Variants in DPP6 observed in about 807,000 individuals in gnomAD.
DPP6 encodes the protein dipeptidyl peptidase like 6.
DPP6 carries 69 observed loss-of-function variants against 122.6 expected under a neutral mutation model. That is an observed-to-expected ratio of 0.56 (90% CI 0.46 to 0.69). The LOEUF (loss-of-function observed/expected upper bound fraction) is 0.69, where lower values mean the gene tolerates loss of function less well. Among genes scored for constraint, DPP6 ranks in the 30% least tolerant of loss-of-function variants. DPP6 has a pLI of 0.00. For missense variants in DPP6, 928 were observed against 1,116.9 expected (o/e 0.83, Z 2.41); for synonymous variants, 418 against 433.1 (o/e 0.97, Z 0.43).
intron 1 of DPP6, among the ~76,000 whole-genome samples, chr7:154,091,356 G>A (rs866699939): frequency 2.6e-5 from 4 of 152,070 alleles, no homozygotes; most frequent in South Asian, 2.1e-4. Context: ...TATTTTGAGC[G>A]GTCTATGGCT....
chr7:154,687,952 G>A (rs1839718126), intron 7 of DPP6, among the ~76,000 whole-genome samples: 1 of 152,166 alleles, frequency 6.6e-6, no homozygotes, highest in Non-Finnish European at 1.5e-5. Flanking sequence ...GATCTTTGGA[G>A]CCTCTGCTAT....
In DPP6 at chr7:153,947,363, C is replaced by T. The variant is rs73496216; in HGVS notation, c.51+59629C>T. Among the ~76,000 whole-genome samples, 681 of 152,282 alleles carry T rather than the reference C, an allele frequency of 4.5e-3. 3 individuals carry two copies. Among genetic ancestry groups the T allele is most frequent in the African/African-American group, 0.015 (640 of 41,562 alleles). On this transcript the variant is annotated intron_variant, in intron 1 of 25. Transcript: ENST00000404039. ...CTGCGAGGGAGGGTCTGTCTCAGGC[C>T]TGTCTTCTCGGCTTGTAGCTGGCTG...
intron 16 of DPP6, among the ~76,000 whole-genome samples, chr7:154,837,815 C>T (rs1801205759): frequency 6.6e-6 from 1 of 152,188 alleles, no homozygotes. Flanking sequence ...AGTATCATTG[C>T]TCATTTCTTT....
At chr7:154,305,348 T>TCCCCCATCCTCCCC in intron 1 of DPP6, 1 of 136,600 alleles carries the variant, frequency 7.3e-6, no homozygotes, top group Non-Finnish European at 9.5e-6. Context: ...CCACCCTCCC[T>TCCCCCATCCTCCCC]CCCCCATCCT....
chr7:154,538,719 T>C (rs575650980), intron 3 of DPP6, among the ~76,000 whole-genome samples: 1 of 152,302 alleles, frequency 6.6e-6, no homozygotes, highest in African/African-American at 2.4e-5. Flanking sequence ...AAAAAAAAAT[T>C]CTAAAATTTG....
chr7:154,775,242 T>C (rs957943526), intron 10 of DPP6, among the ~76,000 whole-genome samples: 1 of 152,168 alleles, frequency 6.6e-6, no homozygotes, highest in Non-Finnish European at 1.5e-5. Context: ...TTTCCTCATC[T>C]GTAAAATGGA....
intron 1 of DPP6, among the ~76,000 whole-genome samples, chr7:154,153,726 A>G (rs1429341568): frequency 1.3e-5 from 2 of 152,264 alleles, no homozygotes; most frequent in African/African-American, 4.8e-5. Context: ...CAGTTTTCCT[A>G]TCAACTACTC....
At chr7:154,185,743 C>T (rs1798320389) in intron 1 of DPP6, among the ~76,000 whole-genome samples, 1 of 152,120 alleles carries the variant, frequency 6.6e-6, no homozygotes, top group Admixed American at 6.5e-5. Context: ...CCTGGGGTTA[C>T]AGATATTCTT....
chr7:153,772,198 C>T, the DPP6 span, among the ~76,000 whole-genome samples: 1 of 152,148 alleles, frequency 6.6e-6, no homozygotes, highest in Non-Finnish European at 1.5e-5. Flanking sequence ...ATTCTCCTGC[C>T]TCAGCCTCCT....
chr7:154,703,782 A>G (rs1235627762), intron 7 of DPP6, among the ~76,000 whole-genome samples: 1 of 151,674 alleles, frequency 6.6e-6, no homozygotes. Flanking sequence ...TAAAAAATAC[A>G]AAAAATTAGC....
At chr7:154,557,345 G>A (rs1563850924) in intron 4 of DPP6, among the ~76,000 whole-genome samples, 1 of 152,146 alleles carries the variant, frequency 6.6e-6, no homozygotes, top group Non-Finnish European at 1.5e-5. Flanking sequence ...CCTCCATCAA[G>A]GAATGTGACC....
At chr7:154,508,466 G>T (rs937418266) in intron 3 of DPP6, among the ~76,000 whole-genome samples, 3 of 152,128 alleles carry the variant, frequency 2.0e-5, no homozygotes, top group African/African-American at 2.4e-5. Context: ...GAATGGTGAG[G>T]CTGTCACAGG....
At chr7:154,136,410 A>C (rs1795558237) in intron 1 of DPP6, among the ~76,000 whole-genome samples, 1 of 152,138 alleles carries the variant, frequency 6.6e-6, no homozygotes, top group Non-Finnish European at 1.5e-5. Context: ...TAAATTTAAA[A>C]GTGGGCTTGG....
At chr7:154,884,144 ACAC>A (rs1315026093) in intron 21 of DPP6, 1 of 150,660 alleles carries the variant, frequency 6.6e-6, no homozygotes, top group Non-Finnish European at 1.5e-5. Flanking sequence ...ATGCTCACAC[ACAC>A]ATGCTCATAC....
intron 7 of DPP6, among the ~76,000 whole-genome samples, chr7:154,686,410 T>A (rs201843291): frequency 9.8e-6 from 1 of 101,600 alleles, no homozygotes; most frequent in Non-Finnish European, 2.4e-5. Context: ...AAGGCCACCA[T>A]AAGGATTTTT....
intron 7 of DPP6, among the ~76,000 whole-genome samples, chr7:154,719,527 G>A (rs1841685546): frequency 6.6e-6 from 1 of 152,140 alleles, no homozygotes; most frequent in Admixed American, 6.5e-5. Flanking sequence ...ATACACAGTG[G>A]GAATGATTCA....
chr7:154,122,833 C>G (rs1403508346), intron 1 of DPP6, among the ~76,000 whole-genome samples: 1 of 152,278 alleles, frequency 6.6e-6, no homozygotes, highest in African/African-American at 2.4e-5. Context: ...ATCCTCCTCC[C>G]TCTGATCATC....
chr7:154,221,134 G>A (rs1211108250), intron 1 of DPP6, among the ~76,000 whole-genome samples: 1 of 151,998 alleles, frequency 6.6e-6, no homozygotes, highest in South Asian at 2.1e-4. Context: ...CTGGCCATTA[G>A]GTTTCCTTTT....
chr7:154,333,431 T>G (rs1809128118), intron 1 of DPP6, among the ~76,000 whole-genome samples: 1 of 152,212 alleles, frequency 6.6e-6, no homozygotes, highest in African/African-American at 2.4e-5. Context: ...TGTAATTCTG[T>G]ACTTAAATCG....
Sources: allele counts gnomAD v4.1 joint callset (sites outside exome capture counted in the v4.1 genomes callset), GRCh38; gene constraint gnomAD v4.1.1; transcripts MANE v1.5; gene names NCBI Gene and HGNC (gene_info 2026-07-23, HGNC 2026-07-21).